Variants in TRIM32 observed in about 807,000 individuals in gnomAD.
The protein encoded by TRIM32 is E3 ubiquitin-protein ligase TRIM32.
A neutral mutation model predicts 36.0 loss-of-function variants in TRIM32; 19 were observed. The ratio of observed to expected loss-of-function variants is 0.53; its 90% CI spans 0.37 to 0.77. The LOEUF is 0.77. TRIM32 is among the 30% of genes least tolerant of loss of function. TRIM32 has a pLI of 0.00. For missense variants in TRIM32, 747 were observed against 845.2 expected, an observed-to-expected ratio of 0.88 and a Z score of 1.44; for synonymous variants, 309 against 318.5, an observed-to-expected ratio of 0.97 and a Z score of 0.32.
rs144172952 is a variant in TRIM32, at chr9:116,700,216, A to T, written c.*512A>T. The T allele has an allele frequency of 1.4e-3, 272 of 194,988 alleles. 3 individuals are homozygous for T. Among genetic ancestry groups the T allele is most frequent in the Non-Finnish European group, 6.8e-4 (58 of 85,850 alleles). The allele number at this position is 194,988 out of a possible 1,614,324, so 12.1% of individuals were successfully genotyped here. ...TAAGACATCATATTCCCGTAACATTATGTCTCAGTCTGATCGTCTTTACCA... is the reference window on the plus strand; with the variant it reads ...TAAGACATCATATTCCCGTAACATTTTGTCTCAGTCTGATCGTCTTTACCA... On this transcript the variant is annotated 3_prime_UTR_variant, in exon 2 of 2. Transcript: ENST00000450136.
chr9:116,698,723 G>C lies in TRIM32; in HGVS notation c.981G>C (p.Met327Ile). 6.2e-7 allele frequency: 1 copy of C among 1,614,190 alleles called. No individual in the cohort carries two copies. Among genetic ancestry groups the C allele is most frequent in the Non-Finnish European group, 8.5e-7 (1 of 1,180,040 alleles). Residue 327 changes from methionine to isoleucine, a missense_variant, in exon 2 of 2, where the codon ATG (methionine) becomes ATC (isoleucine). By Grantham distance (10) the Met-to-Ile change is conservative. Coordinates refer to ENST00000450136, the MANE Select transcript of TRIM32 (RefSeq NM_012210.4). The surrounding 1 kb of genome is among the most constrained non-coding windows in gnomAD (Gnocchi z 4.4). ...STSVTFREMDMSPEEVVASPR... is the reference protein window; with the variant it reads ...STSVTFREMDISPEEVVASPR... Reference sequence around the variant, plus strand: ...CTGTTACTTTTAGAGAGATGGACATGAGCCCGGAGGAAGTGGTTGCCAGCC... The same window carrying C: ...CTGTTACTTTTAGAGAGATGGACATCAGCCCGGAGGAAGTGGTTGCCAGCC...
In TRIM32 at chr9:116,699,308, TGCTGAGG is replaced by T. The variant is rs886044106; in HGVS notation, c.1569_1575del (p.Glu524ProfsTer8). 4 of 1,614,100 alleles carry T rather than the reference TGCTGAGG, an allele frequency of 2.5e-6. No homozygotes were observed. The highest frequency in any genetic ancestry group is 1.3e-5 in the African/African-American group (1 of 74,946). On this transcript the variant is annotated frameshift_variant, in exon 2 of 2. Transcript: ENST00000450136. LOFTEE classifies it high-confidence loss of function. The surrounding 1 kb of genome is among the most constrained non-coding windows in gnomAD (Gnocchi z 4.2). The stretch of plus-strand genomic sequence containing the variant: ...TGCGGCCCAAATTTGTCACCTGTGA[TGCTGAGG>T]GCACCGTCTACTTCACCCAGGGCTT...
Position 116,698,812 on chromosome 9 carries a change from T to C in TRIM32, c.1070T>C (p.Phe357Ser). The part of the protein sequence containing the change: ...EAASNIQQCL[F>S]LKKMGAKGST... ...GCCTCCAATATCCAGCAGTGCCTCT[T>C]TCTCAAGAAGATGGGGGCCAAAGGC... Residue 357 changes from phenylalanine to serine, a missense_variant, in exon 2 of 2, where the codon TTT becomes TCT. Transcript: ENST00000450136. The surrounding 1 kb of genome is among the most constrained non-coding windows in gnomAD (Gnocchi z 4.4). 6.2e-7 allele frequency: 1 copy of C among 1,614,202 alleles called. No homozygotes were observed.
At chr9:116,687,648 C>G (rs961997241) in intron 1 of TRIM32, among the ~76,000 whole-genome samples, 4 of 151,392 alleles carry the variant, frequency 2.6e-5, no homozygotes, top group Non-Finnish European at 5.9e-5. Flanking sequence ...GCGGTTGCAG[C>G]ATCTCGGGAG....
At position 116,701,127 on chromosome 9, in the gene TRIM32, T is replaced by G. The variant is rs1485988147; in HGVS notation, c.*1423T>G. 1 of 167,116 alleles carries G rather than the reference T, an allele frequency of 6.0e-6. No individual in the cohort carries two copies. Among genetic ancestry groups the G allele is most frequent in the African/African-American group, 2.4e-5 (1 of 41,460 alleles). 10.4% of individuals were successfully genotyped at this position (167,116 alleles called of 1,614,324 possible). ...GTGTTTACTAAGTAATATATCTTACTCTAGGTGCAGGGCTGATGGCAAGCC... is the reference window on the plus strand; with the variant it reads ...GTGTTTACTAAGTAATATATCTTACGCTAGGTGCAGGGCTGATGGCAAGCC... On this transcript the variant is annotated 3_prime_UTR_variant, in exon 2 of 2. Transcript: ENST00000450136.
intron 1 of TRIM32, among the ~76,000 whole-genome samples, chr9:116,687,935 G>C (rs147656324): frequency 6.4e-4 from 98 of 152,094 alleles, no homozygotes; most frequent in Non-Finnish European, 1.2e-3. Flanking sequence ...GTGAGTTCTT[G>C]AGGGACTCTA....
intron 1 of TRIM32, among the ~76,000 whole-genome samples, chr9:116,695,977 A>T (rs115808405): frequency 4.9e-4 from 75 of 152,232 alleles, no homozygotes; most frequent in African/African-American, 1.7e-3. Flanking sequence ...TCACCTTTCA[A>T]ATCTTACTGA....
intron 1 of TRIM32, among the ~76,000 whole-genome samples, chr9:116,687,990 C>G (rs1469815828): frequency 2.0e-5 from 3 of 151,874 alleles, no homozygotes; most frequent in Non-Finnish European, 4.4e-5. Flanking sequence ...GTGAAGGCAG[C>G]ACATGACATT....
intron 1 of TRIM32, among the ~76,000 whole-genome samples, chr9:116,690,810 A>G (rs779669603): frequency 6.6e-6 from 1 of 152,212 alleles, no homozygotes; most frequent in Non-Finnish European, 1.5e-5. Flanking sequence ...CATGGTTATT[A>G]TGAGACTATG....
intron 1 of TRIM32, chr9:116,697,438 G>C (rs1181736811): frequency 2.6e-6 from 1 of 378,358 alleles, no homozygotes; most frequent in Non-Finnish European, 5.0e-6. Flanking sequence ...AGCTAAGTAA[G>C]TGTCTGAGAC....
At chr9:116,695,076 C>T (rs1365126110) in intron 1 of TRIM32, among the ~76,000 whole-genome samples, 2 of 151,992 alleles carry the variant, frequency 1.3e-5, no homozygotes, top group Non-Finnish European at 2.9e-5. Flanking sequence ...TTCCCCAGAG[C>T]GTGGTCAAGG....
intron 1 of TRIM32, among the ~76,000 whole-genome samples, chr9:116,688,589 A>G (rs1441103887): frequency 6.6e-6 from 1 of 152,302 alleles, no homozygotes; most frequent in East Asian, 1.9e-4. Context: ...AAGATCCGTT[A>G]TCATGAGGCA....
rs1435764832 is a variant in TRIM32, at chr9:116,697,757, A to C, written c.15A>C (p.Ala5=). The change falls in exon 2 of 2, where the codon GCA becomes GCC. Residue 5 remains alanine, a synonymous_variant. Transcript: ENST00000450136. MAAA[A]ASHLNLDALR... Reference sequence around the variant, plus strand: ...AAGGAAGAGCAATGGCTGCAGCAGCAGCTTCTCACCTGAACCTGGATGCCC... The same window carrying C: ...AAGGAAGAGCAATGGCTGCAGCAGCCGCTTCTCACCTGAACCTGGATGCCC... The C allele has an allele frequency of 1.9e-6, 3 of 1,613,982 alleles. No homozygotes were observed. The highest frequency in any genetic ancestry group is 4.5e-5 in the East Asian group (2 of 44,880).
intron 1 of TRIM32, among the ~76,000 whole-genome samples, chr9:116,693,203 A>G (rs1860660870): frequency 6.6e-6 from 1 of 152,174 alleles, no homozygotes; most frequent in South Asian, 2.1e-4. Context: ...AGTACTTTAT[A>G]TGCATTTTCC....
chr9:116,696,396 A>G (rs1315567555), intron 1 of TRIM32, among the ~76,000 whole-genome samples: 1 of 152,170 alleles, frequency 6.6e-6, no homozygotes, highest in Non-Finnish European at 1.5e-5. Flanking sequence ...GTATTTTTCC[A>G]TTTTAAAGGT....
intron 1 of TRIM32, among the ~76,000 whole-genome samples, chr9:116,689,196 A>G (rs1267402870): frequency 6.6e-6 from 1 of 152,186 alleles, no homozygotes; most frequent in Non-Finnish European, 1.5e-5. Context: ...CCCTGGGTTC[A>G]AGTCCTAGCT....
chr9:116,690,944 G>A (rs1185897888), intron 1 of TRIM32, among the ~76,000 whole-genome samples: 1 of 152,126 alleles, frequency 6.6e-6, no homozygotes, highest in Non-Finnish European at 1.5e-5. Flanking sequence ...TATTTATACA[G>A]GGTCTTGCTG....
Position 116,698,922 on chromosome 9 carries a change from C to T in TRIM32, c.1180C>T (p.Arg394Cys), listed in dbSNP as rs886044008. Residue 394 changes from arginine (R) to cysteine (C), a missense_variant, in exon 2 of 2, where the codon CGT (arginine) becomes TGT (cysteine). By Grantham distance (180) the Arg-to-Cys change is radical (BLOSUM62 -3). Coordinates refer to ENST00000450136, the MANE Select transcript of TRIM32 (RefSeq NM_012210.4). The surrounding 1 kb of genome is among the most constrained non-coding windows in gnomAD (Gnocchi z 4.4). ...ACTAGTCGCTGACCGTGGTAACTAT[C>T]GTATACAAGTCTTTACCCGCAAAGG... is the stretch of plus-strand genomic sequence containing the variant. ...EVLVADRGNY[R>C]IQVFTRKGFL... 16 of 1,614,074 alleles carry T rather than the reference C, an allele frequency of 9.9e-6. No homozygotes were observed. The highest frequency in any genetic ancestry group is 1.3e-5 in the Non-Finnish European group (15 of 1,180,044).
rs754192979 is a variant in TRIM32, at chr9:116,699,020, A to G, written c.1278A>G (p.Leu426=). Residue 426 remains leucine, a synonymous_variant, in exon 2 of 2, where the codon CTA becomes CTG. Coordinates refer to ENST00000450136, the MANE Select transcript of TRIM32 (RefSeq NM_012210.4). The surrounding 1 kb of genome is among the most constrained non-coding windows in gnomAD (Gnocchi z 4.2). ...TGCTAAGCTTCCTTGGGGCAGATCTACCCAACCTCACTCCTCTCTCAGTGG... is the reference window on the plus strand; with the variant it reads ...TGCTAAGCTTCCTTGGGGCAGATCTGCCCAACCTCACTCCTCTCTCAGTGG... ...SFVLSFLGAD[L]PNLTPLSVAM... 2.5e-6 allele frequency: 4 copies of G among 1,613,936 alleles called. No individual in the cohort carries two copies. Among genetic ancestry groups the G allele is most frequent in the African/African-American group, 1.3e-5 (1 of 74,900 alleles).
Sources: gnomAD v4.1 joint callset for allele counts (sites outside exome capture counted in the v4.1 genomes callset) on GRCh38, gnomAD v4.1.1 for gene constraint, Gnocchi (gnomAD v3.1) non-coding constraint, MANE v1.5 for transcripts, NCBI Gene and HGNC (gene_info 2026-07-23, HGNC 2026-07-21) for gene names.